UPK1B: variants seen among roughly 807,000 people sequenced by gnomAD.
The protein encoded by UPK1B is uroplakin-1b.
Under a neutral mutation model 34.2 loss-of-function variants are expected in UPK1B, and 28 were observed. The ratio of observed to expected loss-of-function variants is 0.82; its 90% CI spans 0.61 to 1.12. The LOEUF (loss-of-function observed/expected upper bound fraction) is 1.12. Ranked by LOEUF, UPK1B falls within the 50% of genes most tolerant of loss-of-function variation. UPK1B has a pLI of 0.00. For synonymous variants in UPK1B, 81 were observed against 110.4 expected (o/e 0.73, Z 1.67); for missense variants, 325 against 320.9 (o/e 1.01, Z -0.10).
intron 1 of UPK1B, among the ~76,000 whole-genome samples, chr3:119,184,819 T>C (rs1166604678): frequency 6.6e-6 from 1 of 152,222 alleles, no homozygotes; most frequent in Non-Finnish European, 1.5e-5. Context: ...ATATCGGTGC[T>C]GAATTTGGCC....
At chr3:119,176,500 T>C (rs1290821674) in intron 1 of UPK1B, among the ~76,000 whole-genome samples, 1 of 152,144 alleles carries the variant, frequency 6.6e-6, no homozygotes, top group African/African-American at 2.4e-5. Flanking sequence ...AAATCTGCAC[T>C]CTTTAAAGCA....
chr3:119,186,853 A>G, intron 2 of UPK1B, 43 bp downstream of exon 2: 2 of 1,585,524 alleles, frequency 1.3e-6, no homozygotes, highest in Non-Finnish European at 1.7e-6. Flanking sequence ...ACTTCCTGTA[A>G]TCATAATTCT....
chr3:119,195,022 A>G (rs868393555), intron 6 of UPK1B, among the ~76,000 whole-genome samples: 2 of 152,338 alleles, frequency 1.3e-5, no homozygotes, highest in East Asian at 3.9e-4. Context: ...CACATACACT[A>G]TCTCCTTTAA....
intron 7 of UPK1B, among the ~76,000 whole-genome samples, chr3:119,199,485 A>ATCAAAGACTG (rs1243470358): frequency 6.6e-6 from 1 of 152,166 alleles, no homozygotes; most frequent in Non-Finnish European, 1.5e-5. Context: ...TCATCCACAT[A>ATCAAAGACTG]TCAAAGACTG....
chr3:119,177,778 C>T (rs2077964113), intron 1 of UPK1B, among the ~76,000 whole-genome samples: 1 of 152,138 alleles, frequency 6.6e-6, no homozygotes, highest in Non-Finnish European at 1.5e-5. Context: ...ATTAAACAAA[C>T]TTGGGTGAAG....
intron 4 of UPK1B, among the ~76,000 whole-genome samples, chr3:119,190,756 A>G (rs904669014): frequency 6.6e-6 from 1 of 152,142 alleles, no homozygotes; most frequent in Non-Finnish European, 1.5e-5. Context: ...GCCACCCTAC[A>G]GTATGTGTTC....
At chr3:119,192,470 C>T (rs2078048858) in intron 5 of UPK1B, among the ~76,000 whole-genome samples, 1 of 152,198 alleles carries the variant, frequency 6.6e-6, no homozygotes, top group Non-Finnish European at 1.5e-5. Context: ...CCACAGAGCT[C>T]AAATGGGCAC....
intron 1 of UPK1B, among the ~76,000 whole-genome samples, chr3:119,180,055 A>G (rs2077982657): frequency 6.6e-6 from 1 of 151,712 alleles, no homozygotes; most frequent in African/African-American, 2.4e-5. Flanking sequence ...ACCTCAGGTG[A>G]TCTGCCCACC....
At chr3:119,173,891 C>T (rs947828522) in intron 1 of UPK1B, among the ~76,000 whole-genome samples, 2 of 152,076 alleles carry the variant, frequency 1.3e-5, no homozygotes, top group African/African-American at 4.8e-5. Context: ...GGAGATATTA[C>T]GCAGCCATCC....
intron 5 of UPK1B, among the ~76,000 whole-genome samples, chr3:119,191,466 C>A (rs1468787544): frequency 6.6e-6 from 1 of 152,072 alleles, no homozygotes; most frequent in Non-Finnish European, 1.5e-5. Context: ...TAGTTTATGT[C>A]CATGTTTATC....
intron 1 of UPK1B, among the ~76,000 whole-genome samples, chr3:119,182,942 A>C (rs2107427646): frequency 6.6e-6 from 1 of 152,334 alleles, no homozygotes; most frequent in South Asian, 2.1e-4. Flanking sequence ...ATGTGGGTAC[A>C]GCACTGAGTT....
chr3:119,180,277 TCTGCTTTA>T (rs1176230312), intron 1 of UPK1B, among the ~76,000 whole-genome samples: 5 of 152,246 alleles, frequency 3.3e-5, no homozygotes, highest in African/African-American at 1.2e-4. Context: ...TGGAGGGTAA[TCTGCTTTA>T]CTGCTTTACT....
At chr3:119,186,575 C>T in intron 1 of UPK1B, 139 bp from the exon 2 acceptor site, 1 of 626,338 alleles carries the variant, frequency 1.6e-6, no homozygotes. Flanking sequence ...TTACCAAGCT[C>T]AATAATCAAA....
At chr3:119,174,029 C>T (rs1018943501) in intron 1 of UPK1B, among the ~76,000 whole-genome samples, 2 of 152,094 alleles carry the variant, frequency 1.3e-5, no homozygotes, top group African/African-American at 2.4e-5. Context: ...CTTGTGGAGT[C>T]AGAAAAGCAA....
intron 7 of UPK1B, among the ~76,000 whole-genome samples, chr3:119,201,149 C>T (rs2078088772): frequency 6.6e-6 from 1 of 152,062 alleles, no homozygotes; most frequent in Non-Finnish European, 1.5e-5. Flanking sequence ...AGTTTTACTT[C>T]CCACTGCATT....
In UPK1B at chr3:119,205,128, A is replaced by G. The variant is rs906309749; in HGVS notation, c.*1161A>G. ...CATTTGTCTGGTCTTATAAGTAAAG[A>G]CAGCTTTAAAATCTGTTCACTTTCA... On this transcript the variant is annotated 3_prime_UTR_variant, in exon 8 of 8. Transcript: ENST00000264234. 2.0e-5 allele frequency: 3 copies of G among 152,212 alleles called. No individual in the cohort carries two copies. The highest frequency in any genetic ancestry group is 4.4e-5 in the Non-Finnish European group (3 of 68,032). The allele number at this position is 152,212 out of a possible 1,614,324, so 9.4% of individuals were successfully genotyped here.
chr3:119,193,453 C>T (rs1559903155), intron 5 of UPK1B, among the ~76,000 whole-genome samples: 1 of 152,122 alleles, frequency 6.6e-6, no homozygotes, highest in Admixed American at 6.5e-5. Flanking sequence ...GAATTGATAA[C>T]AAAGAAGGAA....
In UPK1B at chr3:119,194,349, T is replaced by G. The variant is rs1355920484; in HGVS notation, c.599T>G (p.Leu200Arg). The G allele has an allele frequency of 1.2e-6, 2 of 1,613,706 alleles. No homozygotes were observed. The highest frequency in any genetic ancestry group is 3.3e-5 in the Admixed American group (2 of 59,988). ...CCVMNNLKEPLNLEACKLGVP... is the reference protein window; with the variant it reads ...CCVMNNLKEPRNLEACKLGVP... ...GTTATGAACAATCTTAAAGAACCTC[T>G]CAACCTGGAGGCTTGTAAACTAGGC... Residue 200 changes from leucine (L) to arginine (R), a missense_variant, in exon 6 of 8, where the codon CTC becomes CGC. Leu to Arg is a moderately radical substitution (Grantham distance 102, BLOSUM62 -2). Transcript: ENST00000264234.
chr3:119,186,692 T>C, intron 1 of UPK1B, 22 bp from the exon 2 acceptor site: 2 of 1,589,166 alleles, frequency 1.3e-6, no homozygotes, highest in Non-Finnish European at 1.7e-6. Flanking sequence ...CTGTAGCAGT[T>C]ATTTGGTAAT....
Sources: allele counts gnomAD v4.1 joint callset (sites outside exome capture counted in the v4.1 genomes callset), GRCh38; gene constraint gnomAD v4.1.1; transcripts MANE v1.5; gene names NCBI Gene and HGNC (gene_info 2026-07-23, HGNC 2026-07-21).